The following TMEM44 variants were observed in gnomAD, a reference collection of about 807,000 sequenced individuals.
TMEM44 encodes the protein transmembrane protein 44.
Under a neutral mutation model 47.8 loss-of-function variants are expected in TMEM44, and 43 were observed. The ratio of observed to expected loss-of-function variants is 0.90; its 90% CI spans 0.70 to 1.16. The LOEUF is 1.16. TMEM44 is among the 50% of genes most tolerant of loss of function. The pLI, the probability that TMEM44 is intolerant of heterozygous loss-of-function variation, is 0.00. For synonymous variants in TMEM44, 277 were observed against 238.8 expected, an observed-to-expected ratio of 1.16 and a Z score of -1.48; for missense variants, 568 against 555.2, an observed-to-expected ratio of 1.02 and a Z score of -0.23.
At position 194,588,444 on chromosome 3, in the gene TMEM44, G is replaced by T; in HGVS notation, c.*85C>A. On this transcript the variant is annotated 3_prime_UTR_variant, in exon 10 of 10. Coordinates refer to ENST00000347147, the MANE Select transcript of TMEM44 (RefSeq NM_001011655.3). ...CAGGGCAGCTTCAGTTCCTGCCGCGGTGTCAGTGCAGATTGATTCCCGCTG... is the reference window on the plus strand; with the variant it reads ...CAGGGCAGCTTCAGTTCCTGCCGCGTTGTCAGTGCAGATTGATTCCCGCTG... 8.3e-7 allele frequency: 1 copy of T among 1,204,290 alleles called. No individual in the cohort carries two copies. The allele number at this position is 1,204,290 out of a possible 1,614,324, so 74.6% of individuals were successfully genotyped here. A position where few individuals can be genotyped will look rare whatever the true frequency, so the allele number is the denominator to read the frequency against.
At chr3:194,598,604 A>G (rs9862182) in intron 9 of TMEM44, among the ~76,000 whole-genome samples, 64,736 of 151,950 alleles carry the variant, frequency 0.43, 14,645 homozygotes, top group East Asian at 0.77. Flanking sequence ...AGCCCACACC[A>G]TGCCTAGCAT....
chr3:194,614,248 G>A (rs1231549694), intron 7 of TMEM44, among the ~76,000 whole-genome samples: 1 of 152,218 alleles, frequency 6.6e-6, no homozygotes, highest in Non-Finnish European at 1.5e-5. Flanking sequence ...ACTTTCTAGA[G>A]GCAGCATCAC....
At chr3:194,625,735 C>G (rs1560198362) in intron 3 of TMEM44, among the ~76,000 whole-genome samples, 162 bp downstream of exon 3, 1 of 152,226 alleles carries the variant, frequency 6.6e-6, no homozygotes, top group Non-Finnish European at 1.5e-5. Flanking sequence ...CCACCTCAGC[C>G]TCCCAAAGTG....
At chr3:194,597,911 C>T (rs1484245765) in intron 9 of TMEM44, among the ~76,000 whole-genome samples, 2 of 152,204 alleles carry the variant, frequency 1.3e-5, no homozygotes, top group Non-Finnish European at 2.9e-5. Flanking sequence ...CTCTCTGGGC[C>T]TCTGTCACCT....
intron 3 of TMEM44, among the ~76,000 whole-genome samples, chr3:194,625,431 G>T (rs1002648513): frequency 3.8e-4 from 8 of 21,070 alleles, no homozygotes; most frequent in East Asian, 1.1e-3. Flanking sequence ...CTTCTTTTTT[G>T]GGGGGGGGGG....
intron 5 of TMEM44, among the ~76,000 whole-genome samples, chr3:194,622,104 C>T (rs1323414917): frequency 6.6e-6 from 1 of 152,252 alleles, no homozygotes; most frequent in African/African-American, 2.4e-5. Flanking sequence ...GTCTCAGAGT[C>T]GTCTGCAGAG....
chr3:194,589,798 G>A (rs1292222107), intron 9 of TMEM44: 4 of 152,088 alleles, frequency 2.6e-5, no homozygotes, highest in African/African-American at 9.7e-5. Context: ...AGGCAAGTAG[G>A]GATTGGGCTC....
chr3:194,603,783 T>C (rs1229096606), intron 9 of TMEM44, among the ~76,000 whole-genome samples: 1 of 152,226 alleles, frequency 6.6e-6, no homozygotes, highest in African/African-American at 2.4e-5. Context: ...GCAGTGTCCC[T>C]GCGACTAATG....
Position 194,615,655 on chromosome 3 carries a change from C to G in TMEM44, c.826G>C (p.Ala276Pro), listed in dbSNP as rs1281783105. The G allele has an allele frequency of 1.9e-6, 3 of 1,614,108 alleles. No homozygotes were observed. The Admixed American group carries it at 5.0e-5, about 27-fold the overall frequency. The change falls in exon 7 of 10, where the codon GCC (alanine) becomes CCC (proline). Residue 276 changes from alanine (A) to proline (P), a missense_variant. Transcript: ENST00000347147. Reference protein sequence around the residue: ...SCVMKSKMRQALGFAKEARES... With the variant: ...SCVMKSKMRQPLGFAKEARES... ...CTGGCTTCCTTGGCAAATCCTAAGGCCTGTCTCATCTTGCTCTTCATCACA... is the reference window on the plus strand; with the variant it reads ...CTGGCTTCCTTGGCAAATCCTAAGGGCTGTCTCATCTTGCTCTTCATCACA...
chr3:194,608,956 G>A (rs1033752729), intron 8 of TMEM44, among the ~76,000 whole-genome samples: 6 of 152,214 alleles, frequency 3.9e-5, no homozygotes, highest in Middle Eastern at 3.2e-3. Flanking sequence ...GAAGTGGAGA[G>A]GATGACAGCC....
rs199697463 is a variant in TMEM44 at position 194,623,274 on chromosome 3, C to T, written c.562G>A (p.Val188Ile). The T allele has an allele frequency of 3.1e-5, 50 of 1,611,678 alleles. No homozygotes were observed. Among genetic ancestry groups the T allele is most frequent in the African/African-American group, 2.9e-4 (22 of 74,950 alleles). Reference sequence around the variant, plus strand: ...GAAGCCCAGGAGCCAAAGGCAGCAACGCTACCCAGCAGGTAGCCGAGGATC... The same window carrying T: ...GAAGCCCAGGAGCCAAAGGCAGCAATGCTACCCAGCAGGTAGCCGAGGATC... ...TEILGYLLGS[V>I]AAFGSWASRI... The change falls in exon 5 of 10, where the codon GTT (valine) becomes ATT (isoleucine). Residue 188 changes from valine (V) to isoleucine (I), a missense_variant. Transcript: ENST00000347147.
intron 8 of TMEM44, among the ~76,000 whole-genome samples, chr3:194,605,787 C>T (rs1714713114): frequency 6.6e-6 from 1 of 152,168 alleles, no homozygotes; most frequent in African/African-American, 2.4e-5. Flanking sequence ...GGATGATAAT[C>T]CCTGCTTTGC....
chr3:194,615,702 G>C lies in TMEM44; in HGVS notation c.784-5C>G. ...CACACACGAAAGGAAAATAATCTGAGATGGTGTAAGTTAAGGTAGGAAGCA... is the reference window on the plus strand; with the variant it reads ...CACACACGAAAGGAAAATAATCTGACATGGTGTAAGTTAAGGTAGGAAGCA... On this transcript the variant is annotated splice_polypyrimidine_tract_variant and splice_region_variant and intron_variant, in intron 6 of 9. Transcript: ENST00000347147. 1 of 1,613,612 alleles carries C rather than the reference G, an allele frequency of 6.2e-7. No individual in the cohort carries two copies. The highest frequency in any genetic ancestry group is 8.5e-7 in the Non-Finnish European group (1 of 1,179,668).
intron 9 of TMEM44, among the ~76,000 whole-genome samples, chr3:194,602,299 G>A (rs1203199599): frequency 6.6e-6 from 1 of 152,208 alleles, no homozygotes; most frequent in Non-Finnish European, 1.5e-5. Context: ...TGGAAGTGGT[G>A]TCAGAAAGGT....
chr3:194,628,641 T>G lies in TMEM44; in HGVS notation c.138-132A>C, dbSNP rs563715012. On this transcript the variant is annotated intron_variant, in intron 1 of 9. Transcript: ENST00000347147. ...TGCCCGAGGTATTTAGGACGTGTTT[T>G]TGAACTGAGTTTACAGATGGGAACC... The G allele has an allele frequency of 6.2e-6, 7 of 1,123,872 alleles. No individual in the cohort carries two copies. The East Asian group carries it at 1.2e-4, about 19-fold the overall frequency. 69.6% of individuals were successfully genotyped at this position (1,123,872 alleles called of 1,614,324 possible).
rs771233810 is a variant in TMEM44, at chr3:194,615,665, C to T, written c.816G>A (p.Lys272=). The T allele has an allele frequency of 1.2e-6, 2 of 1,614,042 alleles. No homozygotes were observed. The highest frequency in any genetic ancestry group is 2.7e-5 in the African/African-American group (2 of 74,922). The change falls in exon 7 of 10, where the codon AAG becomes AAA. Residue 272 remains lysine (K), a synonymous_variant. Coordinates refer to ENST00000347147, the MANE Select transcript of TMEM44 (RefSeq NM_001011655.3). ...TGGCAAATCCTAAGGCCTGTCTCAT[C>T]TTGCTCTTCATCACACACGAAAGGA... ...IIFLSCVMKS[K]MRQALGFAKE...
chr3:194,628,422 G>A lies in TMEM44; in HGVS notation c.225C>T (p.Asp75=), dbSNP rs745496828. Residue 75 remains aspartate, a synonymous_variant, in exon 2 of 10, where the codon GAC becomes GAT. Coordinates refer to ENST00000347147, the MANE Select transcript of TMEM44 (RefSeq NM_001011655.3). ...GTCTGGCCAGAAGAGCCCCGACGGT[G>A]TCACACAGACTGGTCAGGAGGCAGC... ...AACCLLTSLC[D]TVGALLARQL... 2.5e-6 allele frequency: 4 copies of A among 1,612,958 alleles called. No homozygotes were observed. In the African/African-American group the frequency reaches 4.0e-5, roughly 16 times the overall value.
chr3:194,593,697 G>A (rs1166741693), intron 9 of TMEM44, among the ~76,000 whole-genome samples: 1 of 152,162 alleles, frequency 6.6e-6, no homozygotes, highest in African/African-American at 2.4e-5. Flanking sequence ...ATTGATCTGG[G>A]AATGTCTATT....
intron 6 of TMEM44, 38 bp from the exon 7 acceptor site, chr3:194,615,735 C>T (rs764801661): frequency 2.5e-5 from 40 of 1,609,338 alleles, no homozygotes; most frequent in Non-Finnish European, 3.1e-5. Flanking sequence ...GCAGAATATT[C>T]CAGCTGCCTA....
Sources: allele counts gnomAD v4.1 joint callset (sites outside exome capture counted in the v4.1 genomes callset), GRCh38; gene constraint gnomAD v4.1.1; transcripts MANE v1.5; gene names NCBI Gene and HGNC (gene_info 2026-07-23, HGNC 2026-07-21).